Variants in ABHD5 observed in about 807,000 individuals in gnomAD.
The protein encoded by ABHD5 is 1-acylglycerol-3-phosphate O-acyltransferase ABHD5.
ABHD5 carries 30 observed loss-of-function variants against 44.9 expected under a neutral mutation model. That is an observed-to-expected ratio of 0.67 (90% confidence interval 0.50 to 0.91). The LOEUF (loss-of-function observed/expected upper bound fraction) is 0.91. Ranked by LOEUF, ABHD5 falls within the 40% of genes least tolerant of loss-of-function variation. The pLI is 0.00. For synonymous variants in ABHD5, 167 were observed against 147.0 expected (o/e 1.14, Z -0.99); for missense variants, 399 against 423.4 (o/e 0.94, Z 0.50).
intron 3 of ABHD5, among the ~76,000 whole-genome samples, chr3:43,708,372 T>C (rs903532086): frequency 6.6e-6 from 1 of 152,186 alleles, no homozygotes; most frequent in African/African-American, 2.4e-5. Flanking sequence ...ATTATAATAA[T>C]TTAGATGTAC....
rs571229300 is a variant in ABHD5 at position 43,707,419 on chromosome 3, A to G, written c.507-4290A>G. Among the ~76,000 whole-genome samples, 56 of 152,222 alleles carry G rather than the reference A, an allele frequency of 3.7e-4. 1 individual carries two copies. Among genetic ancestry groups the G allele is most frequent in the Middle Eastern group, 6.8e-3 (2 of 294 alleles). Reference sequence around the variant, plus strand: ...TGTTGGCCCTCTGCTGTTCTAGGAAAAGCTGTTCTACTTGATTCGAAGTTG... The same window carrying G: ...TGTTGGCCCTCTGCTGTTCTAGGAAGAGCTGTTCTACTTGATTCGAAGTTG... On this transcript the variant is annotated intron_variant, in intron 3 of 6. Coordinates refer to ENST00000644371, the MANE Select transcript of ABHD5 (RefSeq NM_016006.6).
Position 43,719,899 on chromosome 3 carries a change from T to C in ABHD5, c.*1367T>C, listed in dbSNP as rs921271097. Reference sequence around the variant, plus strand: ...AAATAGTGGTTTAATGGTTTTGTTATTGCATTTTTAAAATGGTTAATTAGG... The same window carrying C: ...AAATAGTGGTTTAATGGTTTTGTTACTGCATTTTTAAAATGGTTAATTAGG... On this transcript the variant is annotated 3_prime_UTR_variant, in exon 7 of 7. Coordinates refer to ENST00000644371, the MANE Select transcript of ABHD5 (RefSeq NM_016006.6). 1 of 152,218 alleles carries C rather than the reference T, an allele frequency of 6.6e-6. No homozygotes were observed. The highest frequency in any genetic ancestry group is 2.1e-4 in the South Asian group (1 of 4,836). The allele number at this position is 152,218 out of a possible 1,614,324, so 9.4% of individuals were successfully genotyped here. A position where few individuals can be genotyped will look rare whatever the true frequency, so the allele number is the denominator to read the frequency against.
rs750418090 is a variant in ABHD5, at chr3:43,711,775, C to A, written c.573C>A (p.Asp191Glu). 6.2e-7 allele frequency: 1 copy of A among 1,614,204 alleles called. No homozygotes were observed. Among genetic ancestry groups the A allele is most frequent in the Admixed American group, 1.7e-5 (1 of 60,026 alleles). ...AACGACCAGACCTTGCTGATCAAGA[C>A]AGACCAATTCCAGTTTGGATCAGAG... ...FPERPDLADQ[D>E]RPIPVWIRAL... is the part of the protein sequence containing the mutation. Residue 191 changes from aspartate (D) to glutamate (E), a missense_variant, in exon 4 of 7, where the codon GAC becomes GAA. By Grantham distance (45) the Asp-to-Glu change is conservative. Transcript: ENST00000644371.
In ABHD5 at chr3:43,717,725, A is replaced by G; in HGVS notation, c.828A>G (p.Pro276=). Residue 276 remains proline, a synonymous_variant, in exon 6 of 7, where the codon CCA becomes CCG. Transcript: ENST00000644371. ...TTCCTTATGGATGGGCAAAAAGGCC[A>G]ATGCTCCAGCGAATTGGTAAAATGC... ...MTIPYGWAKR[P]MLQRIGKMHP... 6.2e-7 allele frequency: 1 copy of G among 1,614,240 alleles called. No individual in the cohort carries two copies. Among genetic ancestry groups the G allele is most frequent in the Non-Finnish European group, 8.5e-7 (1 of 1,180,032 alleles).
At chr3:43,715,152 CTA>C (rs2084748098) in intron 5 of ABHD5, 94 bp downstream of exon 5, 1 of 872,958 alleles carries the variant, frequency 1.1e-6, no homozygotes, top group Non-Finnish European at 1.8e-6. Context: ...TTTTTTAAAA[CTA>C]TTTATTTATT....
chr3:43,733,244 A>G (rs1320529370), intron 7 of ABHD5, among the ~76,000 whole-genome samples: 1 of 152,192 alleles, frequency 6.6e-6, no homozygotes, highest in Non-Finnish European at 1.5e-5. Context: ...TACCACACTC[A>G]TTCATAATAA....
At chr3:43,714,802 C>T (rs1436833223) in intron 4 of ABHD5, 145 bp from the exon 5 acceptor site, 3 of 563,598 alleles carry the variant, frequency 5.3e-6, no homozygotes, top group Admixed American at 5.4e-5. Context: ...TGCTTTTTCC[C>T]ACCTACAATA....
rs942638372 is a variant in ABHD5 at position 43,730,475 on chromosome 3, T to C, written c.*30-3405T>C. Among the ~76,000 whole-genome samples, 19 of 152,176 alleles carry C rather than the reference T, an allele frequency of 1.2e-4. No homozygotes were observed. The East Asian group carries it at 3.3e-3, about 26-fold the overall frequency. On this transcript the variant is annotated intron_variant, in intron 7 of 7. Coordinates refer to the ABHD5 transcript ENST00000454293. Reference sequence around the variant, plus strand: ...AGACTTTAAGGTTTTCTTTTTTGTTTTAATGGAGAATAGAAAATAATCCCT... The same window carrying C: ...AGACTTTAAGGTTTTCTTTTTTGTTCTAATGGAGAATAGAAAATAATCCCT...
chr3:43,699,293 G>T lies in ABHD5; in HGVS notation c.65G>T (p.Gly22Val). The part of the protein sequence containing the change: ...DTGERSGWLT[G>V]WLPTWCPTSI... ...TGCTCTAGGTCAGGATGGCTAACTG[G>T]TTGGCTCCCCACATGGTGCCCTACG... The change falls in exon 2 of 7, where the codon GGT becomes GTT. Residue 22 changes from glycine (G) to valine (V), a missense_variant. Transcript: ENST00000644371. The T allele has an allele frequency of 6.2e-7, 1 of 1,614,008 alleles. No homozygotes were observed. Among genetic ancestry groups the T allele is most frequent in the Non-Finnish European group, 8.5e-7 (1 of 1,179,898 alleles).
intron 2 of ABHD5, among the ~76,000 whole-genome samples, chr3:43,701,633 G>A (rs1047019725): frequency 6.6e-6 from 1 of 152,184 alleles, no homozygotes; most frequent in Non-Finnish European, 1.5e-5. Flanking sequence ...TACCTGGTGT[G>A]TCATGCTGAG....
downstream of ABHD5, among the ~76,000 whole-genome samples, chr3:43,725,360 T>C (rs2084870401): frequency 6.6e-6 from 1 of 152,228 alleles, no homozygotes; most frequent in African/African-American, 2.4e-5. Flanking sequence ...AAATGTTATA[T>C]TAAGTTAGAA....
chr3:43,732,024 C>A (rs76369099), intron 7 of ABHD5, among the ~76,000 whole-genome samples: 2 of 151,866 alleles, frequency 1.3e-5, no homozygotes, highest in African/African-American at 4.8e-5. Flanking sequence ...GCATTTAATT[C>A]AAAAAAGTGG....
At position 43,708,878 on chromosome 3, in the gene ABHD5, A is replaced by G. The variant is rs188204537; in HGVS notation, c.507-2831A>G. The stretch of plus-strand genomic sequence containing the variant: ...GTTTCAGACACCCATGCACATATAC[A>G]TTAATACAATTTTGTGGCCGGTATT... On this transcript the variant is annotated intron_variant, in intron 3 of 6. Transcript: ENST00000644371. 7.2e-5 allele frequency among the ~76,000 whole-genome samples: 11 copies of G among 152,348 alleles called. No individual in the cohort carries two copies. The East Asian group carries it at 1.9e-3, about 27-fold the overall frequency.
intron 1 of ABHD5, among the ~76,000 whole-genome samples, chr3:43,694,132 G>T (rs959921954): frequency 6.6e-6 from 1 of 151,236 alleles, no homozygotes; most frequent in Non-Finnish European, 1.5e-5. Context: ...AGGTGGCGGC[G>T]CCTGTAGTCC....
In ABHD5 at chr3:43,691,003, A is replaced by G; in HGVS notation, c.11A>G (p.Glu4Gly). ...TGCGCGGCGGCGGCTATGGCGGCGG[A>G]GGAGGAGGAGGTGGACTCTGCCGAC... is the stretch of plus-strand genomic sequence containing the variant. The part of the protein sequence containing the change: MAA[E>G]EEEVDSADTG... Residue 4 changes from glutamate (E) to glycine (G), a missense_variant, in exon 1 of 7, where the codon GAG becomes GGG. Transcript: ENST00000644371. 6.4e-7 allele frequency: 1 copy of G among 1,561,032 alleles called. No homozygotes were observed. The highest frequency in any genetic ancestry group is 8.6e-7 in the Non-Finnish European group (1 of 1,156,604).
chr3:43,708,743 ATAGTT>A (rs1243881214), intron 3 of ABHD5, among the ~76,000 whole-genome samples: 1 of 152,230 alleles, frequency 6.6e-6, no homozygotes, highest in Non-Finnish European at 1.5e-5. Flanking sequence ...ACAGTTAACT[ATAGTT>A]TAGATGTTGT....
chr3:43,699,745 C>G, intron 2 of ABHD5: 1 of 166,238 alleles, frequency 6.0e-6, no homozygotes, highest in Non-Finnish European at 1.3e-5. Flanking sequence ...AAATTTGTAC[C>G]AAAAAAAGAA....
At chr3:43,718,411 C>A in intron 6 of ABHD5, 32 bp from the exon 7 acceptor site, 1 of 1,563,258 alleles carries the variant, frequency 6.4e-7, no homozygotes, top group South Asian at 1.1e-5. Flanking sequence ...TGCTTTTACT[C>A]ACTAACTGTC....
intron 6 of ABHD5, among the ~76,000 whole-genome samples, 175 bp from the exon 7 acceptor site, chr3:43,718,268 A>G (rs2084792854): frequency 6.6e-6 from 1 of 152,166 alleles, no homozygotes; most frequent in African/African-American, 2.4e-5. Context: ...CTATTCTCAG[A>G]TCCTTTTAAT....
Sources: allele counts gnomAD v4.1 joint callset (sites outside exome capture counted in the v4.1 genomes callset), GRCh38; gene constraint gnomAD v4.1.1; transcripts MANE v1.5; gene names NCBI Gene and HGNC (gene_info 2026-07-23, HGNC 2026-07-21).